Variants in SASH1 observed in about 807,000 individuals in gnomAD.
SASH1 encodes SAM and SH3 domain containing 1, also known as SAM and SH3 domain-containing protein 1.
A neutral mutation model predicts 125.2 loss-of-function variants in SASH1; 44 were observed. That is an observed-to-expected ratio of 0.35 (90% CI 0.28 to 0.45). The LOEUF is 0.45. Among genes scored for constraint, SASH1 ranks in the 20% least tolerant of loss-of-function variants. SASH1 has a pLI of 1.00. For synonymous variants in SASH1, 639 were observed against 649.1 expected, an observed-to-expected ratio of 0.98 and a Z score of 0.24; for missense variants, 1,426 against 1,614.5, an observed-to-expected ratio of 0.88 and a Z score of 2.00.
At chr6:148,298,475 G>T (rs1562312012) in intron 1 of SASH1, among the ~76,000 whole-genome samples, 1 of 151,984 alleles carries the variant, frequency 6.6e-6, no homozygotes. Flanking sequence ...ACAAAAGAAT[G>T]TTTTTTAACA....
the SASH1 span, among the ~76,000 whole-genome samples, chr6:148,200,306 T>C: frequency 6.6e-6 from 1 of 152,200 alleles, no homozygotes; most frequent in South Asian, 2.1e-4. Flanking sequence ...GCCTGAAACA[T>C]TGGTTCAGCT....
At chr6:148,543,609 CACA>C in intron 17 of SASH1, 68 bp from the exon 18 acceptor site, 2 of 1,337,806 alleles carry the variant, frequency 1.5e-6, no homozygotes, top group Non-Finnish European at 2.0e-6. Flanking sequence ...ATTATGTTAG[CACA>C]ACTTTATGCA....
chr6:148,488,105 C>A (rs1359589989), intron 8 of SASH1, among the ~76,000 whole-genome samples: 3 of 152,066 alleles, frequency 2.0e-5, no homozygotes, highest in Non-Finnish European at 2.9e-5. Flanking sequence ...AAACTCTGTT[C>A]CAATTAAACA....
At chr6:148,548,080 C>T (rs1012429246) in intron 19 of SASH1, among the ~76,000 whole-genome samples, 2 of 152,184 alleles carry the variant, frequency 1.3e-5, no homozygotes, top group African/African-American at 4.8e-5. Flanking sequence ...ATTCCAACAC[C>T]TTCGAGAACC....
At chr6:148,395,730 C>T (rs1333366582) in intron 2 of SASH1, among the ~76,000 whole-genome samples, 1 of 152,164 alleles carries the variant, frequency 6.6e-6, no homozygotes, top group Non-Finnish European at 1.5e-5. Context: ...GGCACAATCC[C>T]TGGGCACCAT....
rs866735314 is a variant in SASH1, at chr6:148,387,626, T to C, written c.157-2508T>C. Among the ~76,000 whole-genome samples, 97 of 40,182 alleles carry C rather than the reference T, an allele frequency of 2.4e-3. 7 individuals carry two copies. The highest frequency in any genetic ancestry group is 3.5e-3 in the Non-Finnish European group (66 of 18,904). 26.4% of individuals were successfully genotyped at this position (40,182 alleles called of 152,430 possible). A position where few individuals can be genotyped will look rare whatever the true frequency, so the allele number is the denominator to read the frequency against. ...TTTCTTTCTTTCTTTCTTTCTTTCT[T>C]TCTTTCTTTCTTTCTTTCTTTCTTT... On this transcript the variant is annotated intron_variant, in intron 1 of 19. Coordinates refer to ENST00000367467, the MANE Select transcript of SASH1 (RefSeq NM_015278.5).
chr6:148,471,670 AG>A (rs1778125959), intron 6 of SASH1, among the ~76,000 whole-genome samples, 167 bp downstream of exon 6: 1 of 152,122 alleles, frequency 6.6e-6, no homozygotes, highest in African/African-American at 2.4e-5. Context: ...ACTTTGTTCC[AG>A]TGATTTTCTT....
At chr6:148,524,576 T>G (rs941728531) in intron 10 of SASH1, 19 of 152,180 alleles carry the variant, frequency 1.2e-4, no homozygotes, top group African/African-American at 4.3e-4. Flanking sequence ...TTAAAAAGTG[T>G]GGTCAAACAC....
chr6:148,319,373 G>A (rs1395536264), intron 1 of SASH1, among the ~76,000 whole-genome samples: 4 of 151,742 alleles, frequency 2.6e-5, no homozygotes, highest in African/African-American at 9.7e-5. Flanking sequence ...TTGGAGTTAA[G>A]GAACCTGGGA....
intron 1 of SASH1, among the ~76,000 whole-genome samples, chr6:148,358,968 CT>C (rs1173632966): frequency 6.6e-6 from 1 of 151,938 alleles, no homozygotes; most frequent in African/African-American, 2.4e-5. Flanking sequence ...ATCTCCTGAC[CT>C]TGTGATCCGC....
rs1435619407 is a variant in SASH1, at chr6:148,382,216, A to G, written c.157-7918A>G. 7.9e-5 allele frequency among the ~76,000 whole-genome samples: 12 copies of G among 152,270 alleles called. 1 individual carries two copies. Among genetic ancestry groups the G allele is most frequent in the East Asian group, 3.9e-4 (2 of 5,176 alleles). Reference sequence around the variant, plus strand: ...TGATCTGCTGGCTTACCTTGCTGGCATGAGACAGCATCTGAACCCACAACA... The same window carrying G: ...TGATCTGCTGGCTTACCTTGCTGGCGTGAGACAGCATCTGAACCCACAACA... On this transcript the variant is annotated intron_variant, in intron 1 of 19. Transcript: ENST00000367467.
intron 1 of SASH1, among the ~76,000 whole-genome samples, chr6:148,280,882 A>T (rs1207040694): frequency 3.3e-5 from 5 of 152,116 alleles, no homozygotes; most frequent in Non-Finnish European, 7.3e-5. Flanking sequence ...AGAATATGGC[A>T]TGTCATTGTG....
chr6:148,309,902 G>C (rs1016728502), intron 1 of SASH1, among the ~76,000 whole-genome samples: 1 of 152,164 alleles, frequency 6.6e-6, no homozygotes, highest in Admixed American at 6.5e-5. Flanking sequence ...CAACCTAGGA[G>C]TATTCAGTGA....
intron 1 of SASH1, among the ~76,000 whole-genome samples, chr6:148,305,623 CAA>C (rs59521298): frequency 1.0e-3 from 104 of 104,316 alleles, no homozygotes; most frequent in East Asian, 2.7e-3. Context: ...GACTCTGACT[CAA>C]AAAAAAAAAA....
At chr6:148,445,497 G>A (rs1290271215) in intron 4 of SASH1, among the ~76,000 whole-genome samples, 1 of 152,170 alleles carries the variant, frequency 6.6e-6, no homozygotes, top group Non-Finnish European at 1.5e-5. Flanking sequence ...CAACAAATGA[G>A]TTTAGCTACG....
intron 1 of SASH1, among the ~76,000 whole-genome samples, chr6:148,382,973 T>C (rs749446975): frequency 2.6e-5 from 4 of 152,256 alleles, no homozygotes; most frequent in Non-Finnish European, 4.4e-5. Context: ...AGACAAAGTA[T>C]ACTTCCAGCT....
At chr6:148,541,202 C>T (rs1285282440) in intron 17 of SASH1, among the ~76,000 whole-genome samples, 1 of 151,522 alleles carries the variant, frequency 6.6e-6, no homozygotes, top group Non-Finnish European at 1.5e-5. Flanking sequence ...GCCACAGTGA[C>T]CTAAATCTCT....
intron 7 of SASH1, among the ~76,000 whole-genome samples, chr6:148,476,314 C>T (rs1473602619): frequency 1.4e-5 from 2 of 147,394 alleles, no homozygotes; most frequent in Non-Finnish European, 3.0e-5. Flanking sequence ...TCCCTGTTCA[C>T]GGATTAGAAG....
At chr6:148,411,752 T>C (rs71568232) in intron 2 of SASH1, among the ~76,000 whole-genome samples, 7,730 of 152,284 alleles carry the variant, frequency 0.051, 246 homozygotes, top group East Asian at 0.078. Context: ...CCATGTTGTC[T>C]GGGCTGGTCT....
Sources: gnomAD v4.1 joint callset for allele counts (sites outside exome capture counted in the v4.1 genomes callset) on GRCh38, gnomAD v4.1.1 for gene constraint, MANE v1.5 for transcripts, NCBI Gene and HGNC (gene_info 2026-07-23, HGNC 2026-07-21) for gene names.